The following KIAA0825 variants were observed in gnomAD, a reference collection of about 807,000 sequenced individuals.
KIAA0825 encodes the protein uncharacterized protein KIAA0825.
Under a neutral mutation model 147.6 loss-of-function variants are expected in KIAA0825, and 119 were observed. That is an observed-to-expected ratio of 0.81 (90% CI 0.69 to 0.94). The LOEUF is 0.94. Ranked by LOEUF, KIAA0825 falls within the 40% of genes least tolerant of loss-of-function variation. KIAA0825 has a pLI of 0.00. For synonymous variants in KIAA0825, 470 were observed against 518.1 expected (o/e 0.91, Z 1.26); for missense variants, 1,381 against 1,472.7 (o/e 0.94, Z 1.02).
chr5:94,506,622 T>C lies in KIAA0825; in HGVS notation c.970+13626A>G, dbSNP rs1765767837. On this transcript the variant is annotated intron_variant, in intron 5 of 20. Coordinates refer to ENST00000682413, the MANE Select transcript of KIAA0825 (RefSeq NM_001145678.3). ...GTTGGCTTCTAAATTTTGTCCATGG[T>C]TTTCAATGGCAGGTTCTGATCTGGA... Among the ~76,000 whole-genome samples the C allele has an allele frequency of 2.6e-5, 4 of 152,294 alleles. No individual in the cohort carries two copies. In the South Asian group the frequency reaches 8.3e-4, roughly 32 times the overall value.
chr5:94,580,414 A>G (rs1381525240), intron 2 of KIAA0825, among the ~76,000 whole-genome samples: 1 of 152,212 alleles, frequency 6.6e-6, no homozygotes, highest in African/African-American at 2.4e-5. Context: ...AACTAGATTT[A>G]ACATAGGCAA....
rs1301567187 is a variant in KIAA0825, at chr5:94,200,137, C to G, written c.3711-46013G>C. Among the ~76,000 whole-genome samples, 4 of 152,280 alleles carry G rather than the reference C, an allele frequency of 2.6e-5. No homozygotes were observed. The East Asian group carries it at 7.7e-4, about 29-fold the overall frequency. On this transcript the variant is annotated intron_variant, in intron 20 of 20. Transcript: ENST00000682413. ...CACGCCAAACCTTGTAGGCTCCATGCAAACTGGAGTTCTGTCTCTGCCAAC... is the reference window on the plus strand; with the variant it reads ...CACGCCAAACCTTGTAGGCTCCATGGAAACTGGAGTTCTGTCTCTGCCAAC...
At chr5:94,332,964 C>T (rs1009707754) in intron 20 of KIAA0825, among the ~76,000 whole-genome samples, 3 of 152,174 alleles carry the variant, frequency 2.0e-5, no homozygotes, top group African/African-American at 7.2e-5. Flanking sequence ...ATTTGCATTT[C>T]TCTAATGACC....
chr5:94,223,959 C>T (rs1287270507), intron 20 of KIAA0825, among the ~76,000 whole-genome samples: 4 of 151,790 alleles, frequency 2.6e-5, no homozygotes, highest in Admixed American at 6.6e-5. Flanking sequence ...TTTGAAAGAG[C>T]GTATGTCCAA....
chr5:94,360,280 T>A (rs1744886011), intron 20 of KIAA0825, among the ~76,000 whole-genome samples: 1 of 152,096 alleles, frequency 6.6e-6, no homozygotes, highest in South Asian at 2.1e-4. Flanking sequence ...TGAAGTTGTA[T>A]TTTTCCTGTA....
chr5:94,206,666 C>T (rs1417388392), intron 20 of KIAA0825, among the ~76,000 whole-genome samples: 1 of 152,172 alleles, frequency 6.6e-6, no homozygotes, highest in African/African-American at 2.4e-5. Flanking sequence ...AACCTTTAAT[C>T]TAATGCCCAC....
At position 94,464,233 on chromosome 5, in the gene KIAA0825, C is replaced by A. The variant is rs540400165; in HGVS notation, c.2063+636G>T. Among the ~76,000 whole-genome samples the A allele has an allele frequency of 3.3e-5, 5 of 152,184 alleles. No individual in the cohort carries two copies. In the East Asian group the frequency reaches 9.6e-4, roughly 29 times the overall value. ...TACAAGACCACTGTAGTCATGTAAG[C>A]ACAATTCATATATTCATTGCCTAGA... On this transcript the variant is annotated intron_variant, in intron 11 of 20. Coordinates refer to ENST00000682413, the MANE Select transcript of KIAA0825 (RefSeq NM_001145678.3).
chr5:94,210,720 C>T (rs1189725467), intron 20 of KIAA0825, among the ~76,000 whole-genome samples: 1 of 152,026 alleles, frequency 6.6e-6, no homozygotes, highest in Non-Finnish European at 1.5e-5. Flanking sequence ...GCTAGAAGAG[C>T]AAAAGATACA....
At chr5:94,417,781 C>A (rs1344480210) in intron 14 of KIAA0825, among the ~76,000 whole-genome samples, 1 of 151,954 alleles carries the variant, frequency 6.6e-6, no homozygotes, top group African/African-American at 2.4e-5. Context: ...TAACATTGTA[C>A]CATGGGAAAA....
At chr5:94,401,930 T>C (rs1751431220) in intron 16 of KIAA0825, among the ~76,000 whole-genome samples, 1 of 152,100 alleles carries the variant, frequency 6.6e-6, no homozygotes, top group South Asian at 2.1e-4. Flanking sequence ...GTAGTGAAAA[T>C]AAAATTTTAG....
intron 20 of KIAA0825, among the ~76,000 whole-genome samples, chr5:94,298,015 C>G (rs933796073): frequency 6.9e-6 from 1 of 145,826 alleles, no homozygotes; most frequent in Middle Eastern, 3.8e-3. Flanking sequence ...GGGAGGCCAA[C>G]GTGGACAGAT....
In KIAA0825 at chr5:94,590,035, G is replaced by A. The variant is rs567647637; in HGVS notation, c.-152-7452C>T. 1.6e-3 allele frequency among the ~76,000 whole-genome samples: 237 copies of A among 152,036 alleles called. 1 individual carries two copies. Among genetic ancestry groups the A allele is most frequent in the Non-Finnish European group, 2.6e-3 (176 of 67,972 alleles). Reference sequence around the variant, plus strand: ...GACAGAGTCTCACTCTGTCACCCAGGCTGGAGTGGAGTGGCGCAATCTTGG... The same window carrying A: ...GACAGAGTCTCACTCTGTCACCCAGACTGGAGTGGAGTGGCGCAATCTTGG... On this transcript the variant is annotated intron_variant, in intron 1 of 20. Transcript: ENST00000682413.
intron 20 of KIAA0825, 135 bp from the exon 21 acceptor site, chr5:94,154,259 C>T: frequency 6.1e-6 from 4 of 656,136 alleles, no homozygotes; most frequent in Non-Finnish European, 1.1e-5. Flanking sequence ...CACTGACTGC[C>T]TCTTGGGTAA....
chr5:94,424,062 C>G (rs28862081), intron 14 of KIAA0825, among the ~76,000 whole-genome samples: 3,966 of 152,060 alleles, frequency 0.026, 157 homozygotes, highest in African/African-American at 0.09. Flanking sequence ...GATAATGAAC[C>G]TAAGCAAACA....
At chr5:94,224,250 C>T (rs1773960238) in intron 20 of KIAA0825, among the ~76,000 whole-genome samples, 1 of 151,570 alleles carries the variant, frequency 6.6e-6, no homozygotes, top group South Asian at 2.1e-4. Context: ...CCGCCCACCA[C>T]CATGCCCAGC....
At chr5:94,574,620 ATG>A (rs1397107360) in intron 2 of KIAA0825, among the ~76,000 whole-genome samples, 2 of 151,840 alleles carry the variant, frequency 1.3e-5, no homozygotes, top group South Asian at 2.1e-4. Flanking sequence ...GAAGTAGATA[ATG>A]TGTCAGTCTG....
intron 1 of KIAA0825, among the ~76,000 whole-genome samples, chr5:94,613,235 C>A (rs958011826): frequency 6.6e-6 from 1 of 152,132 alleles, no homozygotes; most frequent in African/African-American, 2.4e-5. Flanking sequence ...CACTCTGTCA[C>A]CCAGGTTGGA....
intron 20 of KIAA0825, among the ~76,000 whole-genome samples, chr5:94,180,543 A>G (rs981154453): frequency 1.5e-4 from 23 of 152,148 alleles, no homozygotes; most frequent in African/African-American, 5.5e-4. Flanking sequence ...CTTTGGTTAC[A>G]TAAGATGTTA....
In KIAA0825 at chr5:94,396,293, A is replaced by G. The variant is rs1382522912; in HGVS notation, c.3104T>C (p.Leu1035Ser). 1.3e-6 allele frequency: 2 copies of G among 1,550,602 alleles called. No individual in the cohort carries two copies. Among genetic ancestry groups the G allele is most frequent in the Non-Finnish European group, 1.7e-6 (2 of 1,146,612 alleles). ...IFEDGNTVEL[L>S]TGASLDRWSK... ...CCATCTGTCAAGAGAGGCACCTGTTAAAAGTTCCACAGTGTTTCCGTCCTC... is the reference window on the plus strand; with the variant it reads ...CCATCTGTCAAGAGAGGCACCTGTTGAAAGTTCCACAGTGTTTCCGTCCTC... Residue 1035 changes from leucine to serine, a missense_variant, in exon 17 of 21, where the codon TTA becomes TCA. Leu to Ser is a moderately radical substitution (Grantham distance 145). Coordinates refer to ENST00000682413, the MANE Select transcript of KIAA0825 (RefSeq NM_001145678.3).
Sources: allele counts gnomAD v4.1 joint callset (sites outside exome capture counted in the v4.1 genomes callset), GRCh38; gene constraint gnomAD v4.1.1; transcripts MANE v1.5; gene names NCBI Gene and HGNC (gene_info 2026-07-23, HGNC 2026-07-21).